The following MCC variants were observed in gnomAD, a reference collection of about 807,000 sequenced individuals.
MCC encodes the protein colorectal mutant cancer protein.
MCC carries 90 observed loss-of-function variants against 116.2 expected under a neutral mutation model. The ratio of observed to expected loss-of-function variants is 0.77; its 90% CI spans 0.65 to 0.92. The LOEUF is 0.92. Among genes scored for constraint, MCC ranks in the 40% least tolerant of loss-of-function variants. MCC has a pLI of 0.00. For synonymous variants in MCC, 578 were observed against 510.5 expected (o/e 1.13, Z -1.78); for missense variants, 1,516 against 1,312.2 (o/e 1.16, Z -2.40).
At chr5:113,241,159 C>T (rs1764348590) in intron 3 of MCC, among the ~76,000 whole-genome samples, 1 of 152,246 alleles carries the variant, frequency 6.6e-6, no homozygotes, top group South Asian at 2.1e-4. Flanking sequence ...AGAAACTCAA[C>T]TAACTTGCAG....
chr5:113,142,879 C>A (rs1413151918), intron 5 of MCC, among the ~76,000 whole-genome samples: 3 of 151,988 alleles, frequency 2.0e-5, no homozygotes, highest in Admixed American at 2.0e-4. Flanking sequence ...ATGGAAGGGG[C>A]TCCATTTAGA....
intron 1 of MCC, among the ~76,000 whole-genome samples, chr5:113,460,218 A>C (rs1024435355): frequency 6.6e-6 from 1 of 152,190 alleles, no homozygotes; most frequent in African/African-American, 2.4e-5. Flanking sequence ...TCATACATGA[A>C]GGGAATCCTC....
rs564917025 is a variant in MCC, at chr5:113,417,948, G to A, written c.171-32736C>T. Among the ~76,000 whole-genome samples, 15 of 150,626 alleles carry A rather than the reference G, an allele frequency of 1.0e-4. No homozygotes were observed. In the South Asian group the frequency reaches 2.1e-3, roughly 21 times the overall value. On this transcript the variant is annotated intron_variant, in intron 1 of 18. Coordinates refer to ENST00000408903, the MANE Select transcript of MCC (RefSeq NM_001085377.2). ...ACACTATTTCCAAAAAAAAAAAAAA[G>A]TCATACAAAAGTGAAAATAAGAAAT... is the stretch of plus-strand genomic sequence containing the variant.
chr5:113,355,797 C>T (rs1165392137), intron 2 of MCC, among the ~76,000 whole-genome samples: 1 of 152,086 alleles, frequency 6.6e-6, no homozygotes, highest in African/African-American at 2.4e-5. Flanking sequence ...TCCAAAGGCC[C>T]CATCTCCAAA....
At chr5:113,187,399 G>C (rs894590606) in intron 3 of MCC, among the ~76,000 whole-genome samples, 1 of 152,096 alleles carries the variant, frequency 6.6e-6, no homozygotes, top group Non-Finnish European at 1.5e-5. Context: ...GTGAGCCACA[G>C]CACCCGGCCT....
chr5:113,101,963 A>C lies in MCC; in HGVS notation c.1192-18T>G. The C allele has an allele frequency of 6.2e-7, 1 of 1,613,692 alleles. No individual in the cohort carries two copies. Among genetic ancestry groups the C allele is most frequent in the South Asian group, 1.1e-5 (1 of 91,072 alleles). On this transcript the variant is annotated intron_variant, in intron 7 of 18. Coordinates refer to ENST00000408903, the MANE Select transcript of MCC (RefSeq NM_001085377.2). ...TCGACTGTCTGTAAAACACAGCCCC[A>C]AAGAAAAGTCAAGTAAGTTACCTTG...
At chr5:113,168,224 T>A (rs1375613145) in intron 3 of MCC, among the ~76,000 whole-genome samples, 1 of 152,196 alleles carries the variant, frequency 6.6e-6, no homozygotes, top group African/African-American at 2.4e-5. Flanking sequence ...ACACTGTACA[T>A]GCTTGTGGAA....
At chr5:113,091,094 C>T (rs528425084) in intron 8 of MCC, among the ~76,000 whole-genome samples, 11 of 152,328 alleles carry the variant, frequency 7.2e-5, no homozygotes, top group Non-Finnish European at 1.5e-4. Flanking sequence ...AGGTGAAAAG[C>T]TGAAAGTGCT....
At chr5:113,311,015 A>T (rs943621901) in intron 3 of MCC, among the ~76,000 whole-genome samples, 1 of 152,228 alleles carries the variant, frequency 6.6e-6, no homozygotes, top group Non-Finnish European at 1.5e-5. Flanking sequence ...TGTAAATCTC[A>T]GTACTTTGAG....
At chr5:113,255,836 C>A (rs765177326) in intron 3 of MCC, among the ~76,000 whole-genome samples, 1 of 152,206 alleles carries the variant, frequency 6.6e-6, no homozygotes, top group Non-Finnish European at 1.5e-5. Context: ...TTTACAAATG[C>A]ATAAAATGCT....
chr5:113,215,681 A>G (rs1305897659), intron 3 of MCC, among the ~76,000 whole-genome samples: 3 of 152,204 alleles, frequency 2.0e-5, no homozygotes, highest in Admixed American at 6.5e-5. Flanking sequence ...CAGAGATCAG[A>G]ACCTCAGCAG....
chr5:113,228,960 G>C (rs572303745), intron 3 of MCC, among the ~76,000 whole-genome samples: 1 of 152,262 alleles, frequency 6.6e-6, no homozygotes, highest in East Asian at 1.9e-4. Context: ...GAAAGAATGT[G>C]GAGTCCAGAG....
chr5:113,411,669 CT>C (rs1248296970), intron 1 of MCC, among the ~76,000 whole-genome samples: 28 of 151,898 alleles, frequency 1.8e-4, no homozygotes, highest in African/African-American at 6.8e-4. Context: ...AACAGCTAAC[CT>C]TTAAAAAGAA....
At chr5:113,408,272 C>A (rs1769891568) in intron 1 of MCC, among the ~76,000 whole-genome samples, 1 of 152,022 alleles carries the variant, frequency 6.6e-6, no homozygotes, top group Non-Finnish European at 1.5e-5. Context: ...ATAGTTTTGC[C>A]CTGTGTCTCA....
At chr5:113,086,971 C>T (rs911516263) in intron 8 of MCC, among the ~76,000 whole-genome samples, 12 of 152,174 alleles carry the variant, frequency 7.9e-5, no homozygotes, top group African/African-American at 2.2e-4. Flanking sequence ...TGCTGCCGGT[C>T]GGGGACCATA....
At chr5:113,278,749 G>T (rs556983452) in intron 3 of MCC, among the ~76,000 whole-genome samples, 1 of 152,278 alleles carries the variant, frequency 6.6e-6, no homozygotes, top group African/African-American at 2.4e-5. Context: ...GATCAACAGG[G>T]TATATGGGGC....
Position 113,132,358 on chromosome 5 carries a change from A to C in MCC, c.885-9532T>G, listed in dbSNP as rs778356545. Among the ~76,000 whole-genome samples, 624 of 135,930 alleles carry C rather than the reference A, an allele frequency of 4.6e-3. 2 individuals carry two copies. The highest frequency in any genetic ancestry group is 6.9e-3 in the Non-Finnish European group (443 of 64,034). 89.2% of individuals were successfully genotyped at this position (135,930 alleles called of 152,430 possible). ...AATAAGAGGAAAAAGAAAAGTGCAT[A>C]TGTGTGTGTGTGTGTATATATATAC... On this transcript the variant is annotated intron_variant, in intron 5 of 18. Transcript: ENST00000408903.
intron 3 of MCC, chr5:113,294,696 T>G (rs1766654342): frequency 9.7e-7 from 1 of 1,027,108 alleles, no homozygotes; most frequent in Non-Finnish European, 1.2e-6. Context: ...TCCGGGGCAG[T>G]GCCACCCTGG....
chr5:113,220,946 T>G (rs577528835), intron 3 of MCC, among the ~76,000 whole-genome samples: 103 of 152,350 alleles, frequency 6.8e-4, no homozygotes, highest in African/African-American at 2.5e-3. Context: ...CTCATGCCTA[T>G]AATCCCAGCA....
Sources: allele counts gnomAD v4.1 joint callset (sites outside exome capture counted in the v4.1 genomes callset), GRCh38; gene constraint gnomAD v4.1.1; transcripts MANE v1.5; gene names NCBI Gene and HGNC (gene_info 2026-07-23, HGNC 2026-07-21).